The following TCF12 variants were observed in gnomAD, a reference collection of about 807,000 sequenced individuals.
TCF12 encodes transcription factor 12.
A neutral mutation model predicts 86.0 loss-of-function variants in TCF12; 45 were observed. That is an observed-to-expected ratio of 0.52 (90% CI 0.41 to 0.67). TCF12 has a LOEUF of 0.67. Ranked by LOEUF, TCF12 falls within the 30% of genes least tolerant of loss-of-function variation. The pLI is 0.00. For missense variants in TCF12, 881 were observed against 859.9 expected (o/e 1.02, Z -0.31); for synonymous variants, 330 against 299.6 (o/e 1.10, Z -1.05).
Position 57,152,841 on chromosome 15 carries a change from A to G in TCF12, c.326-13561A>G, listed in dbSNP as rs527947303. ...ACCATAGATGCAAGACTTAAGAAAC[A>G]ACAAGAACTCCCCTCCACACACACA... On this transcript the variant is annotated intron_variant, in intron 5 of 20. Transcript: ENST00000333725. Among the ~76,000 whole-genome samples the G allele has an allele frequency of 1.8e-3, 271 of 151,664 alleles. 1 individual carries two copies. The highest frequency in any genetic ancestry group is 6.8e-3 in the Middle Eastern group (2 of 294).
At chr15:56,951,321 A>G (rs937162987) in intron 3 of TCF12, among the ~76,000 whole-genome samples, 1 of 152,160 alleles carries the variant, frequency 6.6e-6, no homozygotes, top group African/African-American at 2.4e-5. Context: ...ATCTTTTCAT[A>G]TACTTACTTG....
chr15:57,201,951 G>A (rs1284262025), intron 8 of TCF12, among the ~76,000 whole-genome samples: 6 of 151,920 alleles, frequency 3.9e-5, no homozygotes, highest in African/African-American at 7.3e-5. Context: ...GTAATTTGTC[G>A]GGGGAAAAAA....
chr15:57,160,889 T>C (rs1231959559), intron 5 of TCF12, among the ~76,000 whole-genome samples: 1 of 151,698 alleles, frequency 6.6e-6, no homozygotes, highest in Non-Finnish European at 1.5e-5. Flanking sequence ...CAGTTCTCAC[T>C]ATGTTGCCCA....
chr15:57,074,377 A>T (rs1444281136), intron 4 of TCF12, among the ~76,000 whole-genome samples: 1 of 151,630 alleles, frequency 6.6e-6, no homozygotes, highest in Non-Finnish European at 1.5e-5. Context: ...AAAAAAAAAA[A>T]AAAGATGTTA....
intron 16 of TCF12, among the ~76,000 whole-genome samples, chr15:57,258,949 G>C (rs2060467118): frequency 6.6e-6 from 1 of 152,086 alleles, no homozygotes; most frequent in Admixed American, 6.5e-5. Flanking sequence ...CATTTGGACA[G>C]TATTTAATTT....
At chr15:57,031,753 C>G (rs1438510674) in intron 3 of TCF12, among the ~76,000 whole-genome samples, 1 of 152,218 alleles carries the variant, frequency 6.6e-6, no homozygotes, top group Non-Finnish European at 1.5e-5. Flanking sequence ...CAGAAGCTCT[C>G]TAACTCTGGC....
At chr15:57,052,432 G>A (rs2067697304) in intron 3 of TCF12, among the ~76,000 whole-genome samples, 1 of 152,006 alleles carries the variant, frequency 6.6e-6, no homozygotes, top group Non-Finnish European at 1.5e-5. Flanking sequence ...GAGGTCAGGA[G>A]TTAAAGACAG....
chr15:57,203,261 T>C (rs1236556955), intron 8 of TCF12, among the ~76,000 whole-genome samples: 1 of 152,190 alleles, frequency 6.6e-6, no homozygotes, highest in Non-Finnish European at 1.5e-5. Flanking sequence ...GTCGACACTT[T>C]TTTTTTCCTT....
chr15:57,129,018 C>T (rs55948426), intron 5 of TCF12, among the ~76,000 whole-genome samples: 1 of 152,028 alleles, frequency 6.6e-6, no homozygotes, highest in Non-Finnish European at 1.5e-5. Flanking sequence ...TTTGTATGGA[C>T]GTATTTTCAG....
At chr15:57,136,652 G>A (rs942966245) in intron 5 of TCF12, among the ~76,000 whole-genome samples, 1 of 152,148 alleles carries the variant, frequency 6.6e-6, no homozygotes, top group African/African-American at 2.4e-5. Flanking sequence ...TAGGTTTGAA[G>A]ATCCCTTTTC....
At chr15:56,982,699 A>G (rs1595956326) in intron 3 of TCF12, among the ~76,000 whole-genome samples, 1 of 152,356 alleles carries the variant, frequency 6.6e-6, no homozygotes, top group East Asian at 1.9e-4. Context: ...TTCTCTGTAG[A>G]AAATAGATTA....
intron 5 of TCF12, among the ~76,000 whole-genome samples, chr15:57,135,455 G>T (rs1246539636): frequency 6.6e-6 from 1 of 152,004 alleles, no homozygotes; most frequent in Non-Finnish European, 1.5e-5. Flanking sequence ...TTGTCTTTAC[G>T]GTAGTATCCA....
At chr15:57,175,937 G>A (rs562978566) in intron 6 of TCF12, among the ~76,000 whole-genome samples, 1 of 150,144 alleles carries the variant, frequency 6.7e-6, no homozygotes, top group South Asian at 2.1e-4. Flanking sequence ...TTAAACCTTG[G>A]TAGATAAATG....
chr15:56,967,014 C>T (rs1306945079), intron 3 of TCF12, among the ~76,000 whole-genome samples: 1 of 152,012 alleles, frequency 6.6e-6, no homozygotes, highest in African/African-American at 2.4e-5. Flanking sequence ...CTCAGCTACT[C>T]GGGAGGCTGA....
chr15:57,265,110 T>TAGTATAGTAC (rs1177787263), intron 18 of TCF12, among the ~76,000 whole-genome samples: 19 of 150,640 alleles, frequency 1.3e-4, no homozygotes, highest in Middle Eastern at 3.5e-3. Context: ...TAGTATAGTA[T>TAGTATAGTAC]AGTATAGTAT....
At chr15:57,245,910 T>C (rs3803453) in intron 13 of TCF12, among the ~76,000 whole-genome samples, 40,862 of 151,860 alleles carry the variant, frequency 0.27, 6,727 homozygotes, top group African/African-American at 0.45. Context: ...CTGGCTCCTG[T>C]GTCTTGGTTC....
intron 3 of TCF12, among the ~76,000 whole-genome samples, chr15:57,038,944 C>G (rs2066702810): frequency 6.6e-6 from 1 of 152,066 alleles, no homozygotes; most frequent in Admixed American, 6.5e-5. Flanking sequence ...ATGACTAGGC[C>G]TTTGATGTTT....
chr15:57,207,262 A>G (rs1195735067), intron 8 of TCF12, among the ~76,000 whole-genome samples: 1 of 152,240 alleles, frequency 6.6e-6, no homozygotes, highest in Admixed American at 6.5e-5. Flanking sequence ...AATTAAGAAT[A>G]TCTTCCATCC....
intron 13 of TCF12, chr15:57,247,509 CA>C: frequency 1.2e-6 from 1 of 836,852 alleles, no homozygotes; most frequent in East Asian, 2.4e-5. Flanking sequence ...ACAATTTTAT[CA>C]ACTGTATCAT....
Sources: allele counts gnomAD v4.1 joint callset (sites outside exome capture counted in the v4.1 genomes callset), GRCh38; gene constraint gnomAD v4.1.1; transcripts MANE v1.5; gene names NCBI Gene and HGNC (gene_info 2026-07-23, HGNC 2026-07-21).